Variants in PPIL6 observed in about 807,000 individuals in gnomAD.
PPIL6 encodes probable inactive peptidyl-prolyl cis-trans isomerase-like 6.
A neutral mutation model predicts 36.8 loss-of-function variants in PPIL6; 39 were observed. That is an observed-to-expected ratio of 1.06 (90% CI 0.82 to 1.38). PPIL6 has a LOEUF of 1.38. Among genes scored for constraint, PPIL6 ranks in the 40% most tolerant of loss-of-function variants. The pLI is 0.00. For missense variants in PPIL6, 368 were observed against 379.1 expected (o/e 0.97, Z 0.24); for synonymous variants, 123 against 134.1 (o/e 0.92, Z 0.57).
At chr6:109,433,059 CTT>C (rs1216661459) in intron 2 of PPIL6, among the ~76,000 whole-genome samples, 24 of 140,820 alleles carry the variant, frequency 1.7e-4, no homozygotes, top group South Asian at 2.2e-4. Flanking sequence ...CCAAAACTTT[CTT>C]TTTTTTTTTT....
intron 6 of PPIL6, among the ~76,000 whole-genome samples, chr6:109,415,950 A>G (rs1008591208): frequency 2.0e-5 from 3 of 152,174 alleles, no homozygotes; most frequent in African/African-American, 7.2e-5. Context: ...GTAGTCCCTT[A>G]CTGGCAAGGT....
chr6:109,420,965 C>T (rs1203642590), intron 5 of PPIL6, among the ~76,000 whole-genome samples: 1 of 152,224 alleles, frequency 6.6e-6, no homozygotes, highest in Non-Finnish European at 1.5e-5. Context: ...CAGCCCCAGG[C>T]AGCTCTTGAA....
At chr6:109,419,488 C>T (rs1286017458) in intron 5 of PPIL6, among the ~76,000 whole-genome samples, 4 of 151,526 alleles carry the variant, frequency 2.6e-5, no homozygotes, top group Non-Finnish European at 4.4e-5. Flanking sequence ...TTTGGGAAGC[C>T]GAGGCAGGCA....
intron 3 of PPIL6, among the ~76,000 whole-genome samples, chr6:109,428,834 T>C (rs1323660122): frequency 1.3e-5 from 2 of 152,160 alleles, no homozygotes; most frequent in Non-Finnish European, 2.9e-5. Context: ...AGGCATAATA[T>C]AGTAAACTTC....
intron 6 of PPIL6, among the ~76,000 whole-genome samples, chr6:109,412,116 A>G (rs968265382): frequency 1.3e-5 from 2 of 152,340 alleles, no homozygotes; most frequent in Admixed American, 1.3e-4. Context: ...AACACCTGGG[A>G]GTTACTGGCC....
intron 7 of PPIL6, among the ~76,000 whole-genome samples, chr6:109,399,553 C>A (rs1772442533): frequency 6.6e-6 from 1 of 152,196 alleles, no homozygotes. Context: ...CAGGCACATG[C>A]CATCATGCCT....
intron 5 of PPIL6, among the ~76,000 whole-genome samples, chr6:109,423,813 C>A (rs1172075474): frequency 1.3e-5 from 2 of 152,228 alleles, no homozygotes; most frequent in East Asian, 3.9e-4. Context: ...GCTATCTTAA[C>A]TTTGGACTTT....
Position 109,411,326 on chromosome 6 carries a change from G to GTT in PPIL6, c.688+7860_688+7861insAA, listed in dbSNP as rs1316717167. On this transcript the variant is annotated intron_variant, in intron 6 of 7. Transcript: ENST00000521072. ...CTAGAATCCTTAGCCACCAACACAG[G>GTT]TCAGGCATTAAAGGGAATTCAAGAG... is the stretch of plus-strand genomic sequence containing the variant. Among the ~76,000 whole-genome samples the GTT allele has an allele frequency of 6.6e-5, 10 of 152,272 alleles. No individual in the cohort carries two copies. The East Asian group carries it at 1.9e-3, about 29-fold the overall frequency.
intron 7 of PPIL6, among the ~76,000 whole-genome samples, chr6:109,397,550 A>G (rs1160583366): frequency 1.3e-5 from 2 of 152,172 alleles, no homozygotes; most frequent in African/African-American, 4.8e-5. Flanking sequence ...CTTTTTCCCC[A>G]GCACTGAGTA....
Position 109,419,541 on chromosome 6 carries a change from G to A in PPIL6, c.632-298C>T, listed in dbSNP as rs140423252. ...CATTCGAGACCAGCCTGGCCAACAC[G>A]GTGAAACCCTGTCTCTACTAAAAAC... On this transcript the variant is annotated intron_variant, in intron 5 of 7. Transcript: ENST00000521072. Among the ~76,000 whole-genome samples the A allele has an allele frequency of 1.7e-4, 26 of 152,124 alleles. No individual in the cohort carries two copies. The East Asian group carries it at 4.6e-3, about 27-fold the overall frequency.
intron 6 of PPIL6, among the ~76,000 whole-genome samples, chr6:109,400,486 A>G (rs1008933765): frequency 3.3e-5 from 5 of 152,216 alleles, no homozygotes; most frequent in African/African-American, 1.2e-4. Context: ...AAGGTCAGCA[A>G]ACTTTCTCGT....
intron 5 of PPIL6, among the ~76,000 whole-genome samples, chr6:109,423,487 T>C (rs9320287): frequency 0.45 from 68,967 of 151,914 alleles, 16,898 homozygotes; most frequent in African/African-American, 0.66. Context: ...AAATGTATTT[T>C]TAATATACAG....
At chr6:109,438,713 C>T (rs968780573) in intron 1 of PPIL6, among the ~76,000 whole-genome samples, 21 of 151,804 alleles carry the variant, frequency 1.4e-4, no homozygotes, top group African/African-American at 3.4e-4. Context: ...CTCAGCTTCC[C>T]GAGTAGCTGG....
chr6:109,436,188 ATTC>A lies in PPIL6; in HGVS notation c.144_146del (p.Lys48del). Reference sequence around the variant, plus strand: ...GATCTTCAAATTTGGATGGATGATTATTCTTCAGATTCTGGATTTCGAAATAGA... The same window carrying A: ...GATCTTCAAATTTGGATGGATGATTATTCAGATTCTGGATTTCGAAATAGA... On this transcript the variant is annotated inframe_deletion, in exon 2 of 8. Coordinates refer to ENST00000521072, the MANE Select transcript of PPIL6 (RefSeq NM_173672.5). The A allele has an allele frequency of 6.6e-7, 1 of 1,521,110 alleles. No homozygotes were observed. The highest frequency in any genetic ancestry group is 9.1e-7 in the Non-Finnish European group (1 of 1,097,970). The allele number at this position is 1,521,110 out of a possible 1,614,324, so 94.2% of individuals were successfully genotyped here. A position where few individuals can be genotyped will look rare whatever the true frequency, so the allele number is the denominator to read the frequency against.
rs1463005499 is a variant in PPIL6 at position 109,391,068 on chromosome 6, C to G, written c.*1758G>C. 1 of 151,956 alleles carries G rather than the reference C, an allele frequency of 6.6e-6. No homozygotes were observed. The highest frequency in any genetic ancestry group is 1.5e-5 in the Non-Finnish European group (1 of 68,042). 9.4% of individuals were successfully genotyped at this position (151,956 alleles called of 1,614,324 possible). A position where few individuals can be genotyped will look rare whatever the true frequency, so the allele number is the denominator to read the frequency against. On this transcript the variant is annotated 3_prime_UTR_variant, in exon 8 of 8. Transcript: ENST00000521072. ...CTTTGGGAGGCCGAGGCGGGCGGAT[C>G]ACGAGGTCACAAGATCGGGACCATC...
At position 109,392,685 on chromosome 6, in the gene PPIL6, G is replaced by A; in HGVS notation, c.*141C>T. The A allele has an allele frequency of 1.7e-6, 1 of 582,058 alleles. No homozygotes were observed. Among genetic ancestry groups the A allele is most frequent in the East Asian group, 3.0e-5 (1 of 33,480 alleles). 36.1% of individuals were successfully genotyped at this position (582,058 alleles called of 1,614,324 possible). A position where few individuals can be genotyped will look rare whatever the true frequency, so the allele number is the denominator to read the frequency against. ...CAGAGACAGGAAAGGAAGATGGGGA[G>A]GGATTGGGTGTAGATGAGGCAACCT... On this transcript the variant is annotated 3_prime_UTR_variant, in exon 8 of 8. Coordinates refer to ENST00000521072, the MANE Select transcript of PPIL6 (RefSeq NM_173672.5).
intron 2 of PPIL6, among the ~76,000 whole-genome samples, chr6:109,433,404 T>C (rs1774272143): frequency 6.6e-6 from 1 of 152,254 alleles, no homozygotes; most frequent in African/African-American, 2.4e-5. Flanking sequence ...ACTGTGGATA[T>C]TTCAGCTAGC....
chr6:109,414,477 C>CTTTTTTTT (rs146541023), intron 6 of PPIL6, among the ~76,000 whole-genome samples: 34 of 86,544 alleles, frequency 3.9e-4, no homozygotes, highest in Non-Finnish European at 6.2e-4. Context: ...TGTCTTTTAG[C>CTTTTTTTT]TTTTTTTTTT....
chr6:109,420,874 C>T (rs1480819684), intron 5 of PPIL6, among the ~76,000 whole-genome samples: 1 of 152,200 alleles, frequency 6.6e-6, no homozygotes, highest in African/African-American at 2.4e-5. Context: ...TTATACTACT[C>T]AGAAAGCTGG....
Sources: gnomAD v4.1 joint callset for allele counts (sites outside exome capture counted in the v4.1 genomes callset) on GRCh38, gnomAD v4.1.1 for gene constraint, MANE v1.5 for transcripts, NCBI Gene and HGNC (gene_info 2026-07-23, HGNC 2026-07-21) for gene names.